Variants in RSRC1 observed in about 807,000 individuals in gnomAD.
RSRC1 encodes the protein serine/Arginine-related protein 53.
Under a neutral mutation model 49.1 loss-of-function variants are expected in RSRC1, and 39 were observed. That is an observed-to-expected ratio of 0.79 (90% CI 0.61 to 1.04). RSRC1 has a LOEUF of 1.04. Among genes scored for constraint, RSRC1 ranks in the 50% least tolerant of loss-of-function variants. The pLI is 0.00. For missense variants in RSRC1, 388 were observed against 402.4 expected (o/e 0.96, Z 0.31); for synonymous variants, 143 against 130.8 (o/e 1.09, Z -0.63).
At chr3:158,472,626 G>A (rs571460460) in intron 7 of RSRC1, among the ~76,000 whole-genome samples, 1 of 152,182 alleles carries the variant, frequency 6.6e-6, no homozygotes, top group East Asian at 1.9e-4. Flanking sequence ...AAGGATGACT[G>A]CATAAATGTC....
intron 6 of RSRC1, among the ~76,000 whole-genome samples, chr3:158,399,157 T>G: frequency 4.9e-5 from 1 of 20,492 alleles, no homozygotes; most frequent in Non-Finnish European, 9.3e-5. Context: ...TTTTTTTTTT[T>G]TTTTTTTTTT....
At chr3:158,394,968 T>G (rs1733528510) in intron 6 of RSRC1, among the ~76,000 whole-genome samples, 1 of 152,110 alleles carries the variant, frequency 6.6e-6, no homozygotes, top group Non-Finnish European at 1.5e-5. Context: ...TGAAACAGTG[T>G]GGTACTGGTA....
At chr3:158,256,233 T>G (rs1378798163) in intron 4 of RSRC1, among the ~76,000 whole-genome samples, 1 of 152,098 alleles carries the variant, frequency 6.6e-6, no homozygotes, top group Non-Finnish European at 1.5e-5. Context: ...TGAGATACGT[T>G]CCTCAATACC....
intron 7 of RSRC1, among the ~76,000 whole-genome samples, chr3:158,502,287 C>T (rs978586988): frequency 6.6e-6 from 1 of 152,164 alleles, no homozygotes; most frequent in African/African-American, 2.4e-5. Context: ...TGTCTCACAG[C>T]TCTTAAGATT....
intron 5 of RSRC1, among the ~76,000 whole-genome samples, chr3:158,343,352 T>C (rs537128153): frequency 2.6e-5 from 4 of 152,280 alleles, no homozygotes; most frequent in Admixed American, 6.5e-5. Context: ...AGTCTACTTA[T>C]AGGAATACAA....
At chr3:158,282,737 A>C (rs944834257) in intron 4 of RSRC1, among the ~76,000 whole-genome samples, 2 of 152,216 alleles carry the variant, frequency 1.3e-5, no homozygotes, top group Admixed American at 6.5e-5. Context: ...TGAGAAGAAG[A>C]GAATCTTGTT....
At chr3:158,199,854 C>T (rs563536158) in intron 3 of RSRC1, among the ~76,000 whole-genome samples, 2 of 152,062 alleles carry the variant, frequency 1.3e-5, no homozygotes, top group East Asian at 3.9e-4. Flanking sequence ...TAATTTAATT[C>T]TGTTTTGGTC....
intron 6 of RSRC1, among the ~76,000 whole-genome samples, chr3:158,417,373 A>G (rs970232572): frequency 6.6e-6 from 1 of 152,072 alleles, no homozygotes; most frequent in South Asian, 2.1e-4. Context: ...TCTGCTTCAC[A>G]TGCAAATTGT....
chr3:158,156,864 GA>G, intron 3 of RSRC1, among the ~76,000 whole-genome samples: 1 of 152,298 alleles, frequency 6.6e-6, no homozygotes, highest in South Asian at 2.1e-4. Context: ...CAATAATAAT[GA>G]AAAAGTTTGA....
At chr3:158,344,765 G>A (rs1461210216) in intron 5 of RSRC1, among the ~76,000 whole-genome samples, 4 of 152,134 alleles carry the variant, frequency 2.6e-5, no homozygotes, top group African/African-American at 7.2e-5. Context: ...AATGTTTTGT[G>A]GAGTTTATTG....
chr3:158,406,697 T>C lies in RSRC1; in HGVS notation c.583+51789T>C, dbSNP rs549132749. On this transcript the variant is annotated intron_variant, in intron 6 of 9. Transcript: ENST00000611884. ...CCTGCCAGGGAGAGCTTCAAAAAGA[T>C]AGTAAGCAGCATGCATTAGAATCAT... is the stretch of plus-strand genomic sequence containing the variant. Among the ~76,000 whole-genome samples the C allele has an allele frequency of 5.0e-4, 76 of 152,180 alleles. 1 individual carries two copies. The highest frequency in any genetic ancestry group is 8.1e-4 in the Non-Finnish European group (55 of 67,986).
chr3:158,474,430 A>G (rs1738281108), intron 7 of RSRC1, among the ~76,000 whole-genome samples: 1 of 152,164 alleles, frequency 6.6e-6, no homozygotes, highest in East Asian at 1.9e-4. Context: ...TTGTTGGTGG[A>G]AGGTCTTTCC....
intron 6 of RSRC1, among the ~76,000 whole-genome samples, chr3:158,421,141 A>C (rs369688220): frequency 6.6e-6 from 1 of 151,898 alleles, no homozygotes; most frequent in Admixed American, 6.6e-5. Flanking sequence ...GAGACAAGTT[A>C]GTCATATTAG....
At chr3:158,362,137 G>A (rs544686864) in intron 6 of RSRC1, among the ~76,000 whole-genome samples, 18 of 152,218 alleles carry the variant, frequency 1.2e-4, no homozygotes, top group African/African-American at 3.9e-4. Flanking sequence ...CCAGGAGTTC[G>A]AGACCAGCCT....
intron 4 of RSRC1, among the ~76,000 whole-genome samples, chr3:158,295,955 A>G (rs1432023454): frequency 2.6e-5 from 4 of 152,072 alleles, no homozygotes; most frequent in Admixed American, 6.6e-5. Context: ...GAACATTAAT[A>G]TCTTTCTTTC....
rs535804144 is a variant in RSRC1 at position 158,539,471 on chromosome 3, T to C, written c.759+2273T>C. Among the ~76,000 whole-genome samples the C allele has an allele frequency of 3.3e-5, 5 of 152,228 alleles. No homozygotes were observed. Among genetic ancestry groups the C allele is most frequent in the African/African-American group, 1.2e-4 (5 of 41,570 alleles). The stretch of plus-strand genomic sequence containing the variant: ...AGATGCAGCTTGTTTTCAAACTTAG[T>C]ATGAGTTATTCAACCCTAATGTTGT... On this transcript the variant is annotated intron_variant, in intron 8 of 9. Coordinates refer to ENST00000611884, the MANE Select transcript of RSRC1 (RefSeq NM_001271838.2). This position sits in a 1 kb window ranked among gnomAD's most constrained non-coding sequence, Gnocchi z 4.1.
intron 5 of RSRC1, among the ~76,000 whole-genome samples, chr3:158,341,230 T>A (rs1095642): frequency 5.3e-5 from 8 of 152,002 alleles, no homozygotes; most frequent in Non-Finnish European, 1.2e-4. Context: ...AGGAGCCTCA[T>A]GTTAATCCCC....
chr3:158,139,187 T>A (rs1412609633), intron 3 of RSRC1, among the ~76,000 whole-genome samples: 1 of 151,848 alleles, frequency 6.6e-6, no homozygotes, highest in Non-Finnish European at 1.5e-5. Context: ...GATCATCTGA[T>A]GTCAGGAGTT....
chr3:158,518,332 T>C (rs911047537), intron 7 of RSRC1, among the ~76,000 whole-genome samples: 1 of 150,116 alleles, frequency 6.7e-6, no homozygotes, highest in Non-Finnish European at 1.5e-5. Flanking sequence ...GAACGTTTGA[T>C]AGAACTTTTC....
Sources: allele counts gnomAD v4.1 joint callset (sites outside exome capture counted in the v4.1 genomes callset), GRCh38; gene constraint gnomAD v4.1.1; non-coding constraint Gnocchi (gnomAD v3.1); transcripts MANE v1.5; gene names NCBI Gene and HGNC (gene_info 2026-07-23, HGNC 2026-07-21).